Variants in PTPRD observed in about 807,000 individuals in gnomAD.
PTPRD encodes protein tyrosine phosphatase receptor type D.
PTPRD carries 34 observed loss-of-function variants against 214.5 expected under a neutral mutation model. That is an observed-to-expected ratio of 0.16 (90% CI 0.12 to 0.21). The LOEUF is 0.21. Ranked by LOEUF, PTPRD falls within the 10% of genes least tolerant of loss-of-function variation. PTPRD has a pLI of 1.00. For synonymous variants in PTPRD, 1,128 were observed against 845.7 expected, an observed-to-expected ratio of 1.33 and a Z score of -5.79; for missense variants, 2,545 against 2,398.7, an observed-to-expected ratio of 1.06 and a Z score of -1.27.
intron 14 of PTPRD, among the ~76,000 whole-genome samples, chr9:8,599,392 A>T (rs1012558134): frequency 3.3e-5 from 5 of 152,204 alleles, no homozygotes; most frequent in Admixed American, 6.5e-5. Context: ...TCTGAAAAGT[A>T]AAAACAAAAC....
At chr9:9,763,861 A>T (rs893272594) in intron 6 of PTPRD, among the ~76,000 whole-genome samples, 1 of 152,162 alleles carries the variant, frequency 6.6e-6, no homozygotes, top group African/African-American at 2.4e-5. Context: ...TTTTAAATAG[A>T]CACAATCACA....
Position 8,521,393 on chromosome 9 carries a change from A to G in PTPRD, c.845T>C (p.Met282Thr). The stretch of plus-strand genomic sequence containing the variant: ...TTCTAGCACATTTCTTCCTATTGGC[A>G]TATCATCTTCAGGTGTCAGATCTTC... ...GAEDLTPEDD[M>T]PIGRNVLELN... The change falls in exon 20 of 46, where the codon ATG becomes ACG. Residue 282 changes from methionine to threonine, a missense_variant. Transcript: ENST00000381196. 1 of 1,614,038 alleles carries G rather than the reference A, an allele frequency of 6.2e-7. No individual in the cohort carries two copies. The highest frequency in any genetic ancestry group is 8.5e-7 in the Non-Finnish European group (1 of 1,179,954).
chr9:8,520,067 G>T (rs1158075882), intron 20 of PTPRD, among the ~76,000 whole-genome samples: 1 of 152,166 alleles, frequency 6.6e-6, no homozygotes, highest in Non-Finnish European at 1.5e-5. Flanking sequence ...TTTCAAGGCT[G>T]TGTGTGCTCC....
At chr9:9,456,167 T>G (rs184618086) in intron 8 of PTPRD, among the ~76,000 whole-genome samples, 223 of 152,030 alleles carry the variant, frequency 1.5e-3, no homozygotes, top group Non-Finnish European at 2.9e-3. Flanking sequence ...TTATAACAAC[T>G]GAGGCATGTT....
chr9:10,029,931 G>A (rs769287094), intron 4 of PTPRD, among the ~76,000 whole-genome samples: 3 of 152,176 alleles, frequency 2.0e-5, no homozygotes, highest in Non-Finnish European at 2.9e-5. Flanking sequence ...GGGACCAGGT[G>A]GGAGGTAATT....
intron 8 of PTPRD, among the ~76,000 whole-genome samples, chr9:9,570,611 A>G (rs1238886846): frequency 6.6e-6 from 1 of 151,552 alleles, no homozygotes; most frequent in Non-Finnish European, 1.5e-5. Flanking sequence ...TATTAGTGCT[A>G]CTTAAAGTCT....
intron 3 of PTPRD, among the ~76,000 whole-genome samples, chr9:10,288,387 C>T (rs945607240): frequency 2.0e-5 from 3 of 151,966 alleles, no homozygotes; most frequent in African/African-American, 7.2e-5. Context: ...TATACCATTG[C>T]CCATTCTCAA....
chr9:8,845,260 T>A (rs1029094339), intron 11 of PTPRD, among the ~76,000 whole-genome samples: 1 of 152,204 alleles, frequency 6.6e-6, no homozygotes, highest in Non-Finnish European at 1.5e-5. Context: ...TTGAAAAAGT[T>A]TGCAAGGCCA....
intron 12 of PTPRD, among the ~76,000 whole-genome samples, chr9:8,690,337 A>G (rs1489261504): frequency 1.3e-5 from 2 of 151,724 alleles, no homozygotes; most frequent in Non-Finnish European, 2.9e-5. Flanking sequence ...ACCATCCTGG[A>G]TAACGCAGTG....
intron 4 of PTPRD, among the ~76,000 whole-genome samples, chr9:9,975,161 T>C (rs1252064709): frequency 1.3e-5 from 2 of 152,140 alleles, no homozygotes; most frequent in Non-Finnish European, 2.9e-5. Flanking sequence ...TTGACAGCTG[T>C]GCCCAGTAGA....
At chr9:8,725,486 TATAA>T (rs1489336445) in intron 12 of PTPRD, among the ~76,000 whole-genome samples, 1 of 152,188 alleles carries the variant, frequency 6.6e-6, no homozygotes, top group Non-Finnish European at 1.5e-5. Flanking sequence ...CATAAATGTA[TATAA>T]ATATACATAT....
At chr9:8,957,658 A>G (rs1451305009) in intron 11 of PTPRD, among the ~76,000 whole-genome samples, 1 of 151,918 alleles carries the variant, frequency 6.6e-6, no homozygotes, top group Non-Finnish European at 1.5e-5. Context: ...GACAAGATGT[A>G]CATCTCATCT....
intron 10 of PTPRD, among the ~76,000 whole-genome samples, chr9:9,143,661 A>T (rs2099863892): frequency 6.6e-6 from 1 of 152,222 alleles, no homozygotes; most frequent in South Asian, 2.1e-4. Context: ...TTAGTACATC[A>T]GGCATTCACA....
At chr9:10,054,748 ATCC>A (rs1238305869) in intron 3 of PTPRD, among the ~76,000 whole-genome samples, 1 of 152,096 alleles carries the variant, frequency 6.6e-6, no homozygotes, top group Non-Finnish European at 1.5e-5. Context: ...GCATTTAAAA[ATCC>A]TCCTACCTTT....
chr9:9,262,169 AT>A (rs1157143758), intron 9 of PTPRD, among the ~76,000 whole-genome samples: 1 of 151,620 alleles, frequency 6.6e-6, no homozygotes, highest in Non-Finnish European at 1.5e-5. Context: ...CAATATTAGA[AT>A]AAAAAATACT....
At chr9:8,795,233 C>T (rs542311885) in intron 11 of PTPRD, among the ~76,000 whole-genome samples, 2 of 152,086 alleles carry the variant, frequency 1.3e-5, no homozygotes, top group South Asian at 2.1e-4. Flanking sequence ...GGCATGATCT[C>T]GGCTCACTGC....
At chr9:8,752,391 TA>T (rs1334711787) in intron 11 of PTPRD, among the ~76,000 whole-genome samples, 1 of 152,128 alleles carries the variant, frequency 6.6e-6, no homozygotes, top group Non-Finnish European at 1.5e-5. Flanking sequence ...CTACATGGTC[TA>T]AAAAGGGGAG....
chr9:9,921,592 G>A (rs1320686093), intron 5 of PTPRD, among the ~76,000 whole-genome samples: 1 of 150,630 alleles, frequency 6.6e-6, no homozygotes, highest in East Asian at 1.9e-4. Flanking sequence ...TAGTTTTACT[G>A]CTCAGGGGAA....
chr9:10,095,539 G>T (rs1052052989), intron 3 of PTPRD, among the ~76,000 whole-genome samples: 1 of 151,526 alleles, frequency 6.6e-6, no homozygotes, highest in South Asian at 2.1e-4. Context: ...CAGAAGACTA[G>T]ACAGTGGTGC....
Sources: allele counts gnomAD v4.1 joint callset (sites outside exome capture counted in the v4.1 genomes callset), GRCh38; gene constraint gnomAD v4.1.1; transcripts MANE v1.5; gene names NCBI Gene and HGNC (gene_info 2026-07-23, HGNC 2026-07-21).